The following ASNS variants were observed in gnomAD, a reference collection of about 807,000 sequenced individuals.
The protein encoded by ASNS is asparagine synthetase [glutamine-hydrolyzing].
ASNS carries 37 observed loss-of-function variants against 62.6 expected under a neutral mutation model. The observed-to-expected ratio is 0.59, with a 90% CI of 0.45 to 0.78. The LOEUF is 0.78. Ranked by LOEUF, ASNS falls within the 30% of genes least tolerant of loss-of-function variation. The pLI, the probability that ASNS is intolerant of heterozygous loss-of-function variation, is 0.00. For missense variants in ASNS, 520 were observed against 682.4 expected, an observed-to-expected ratio of 0.76 and a Z score of 2.65; for synonymous variants, 207 against 237.9, an observed-to-expected ratio of 0.87 and a Z score of 1.19.
At position 97,857,616 on chromosome 7, in the gene ASNS, T is replaced by A. The variant is rs796854041; in HGVS notation, c.903+662A>T. 8.7e-3 allele frequency among the ~76,000 whole-genome samples: 1,011 copies of A among 116,130 alleles called. 13 individuals are homozygous for A. The highest frequency in any genetic ancestry group is 0.032 in the African/African-American group (968 of 30,620). The allele number at this position is 116,130 out of a possible 152,430, so 76.2% of individuals were successfully genotyped here. On this transcript the variant is annotated intron_variant, in intron 7 of 12. Transcript: ENST00000394308. The stretch of plus-strand genomic sequence containing the variant: ...AGCCATGATACTATGCCTTTACGTT[T>A]AAAAAAAAAAAAAAAAAAAAACGAA...
Position 97,864,247 on chromosome 7 carries a change from A to T in ASNS, c.487+12T>A, listed in dbSNP as rs764325413. On this transcript the variant is annotated intron_variant, in intron 4 of 12. Coordinates refer to ENST00000394308, the MANE Select transcript of ASNS (RefSeq NM_001673.5). Reference sequence around the variant, plus strand: ...GACAATAATGAAAATCTATAGAAAAATTTATTATTACCTTTAGCTTCTGAA... The same window carrying T: ...GACAATAATGAAAATCTATAGAAAATTTTATTATTACCTTTAGCTTCTGAA... 38 of 1,592,598 alleles carry T rather than the reference A, an allele frequency of 2.4e-5. No individual in the cohort carries two copies. The highest frequency in any genetic ancestry group is 1.7e-4 in the Middle Eastern group (1 of 5,972).
rs948326794 is a variant in ASNS, at chr7:97,854,653, C to A, written c.1165G>T (p.Glu389Ter). The A allele has an allele frequency of 3.1e-6, 5 of 1,614,010 alleles. No individual in the cohort carries two copies. The African/African-American group carries it at 5.3e-5, about 17-fold the overall frequency. Residue 389 changes from glutamate to a stop codon, truncating the protein, a stop_gained, in exon 10 of 13, where the codon GAG becomes TAG. Transcript: ENST00000394308. LOFTEE classifies it high-confidence loss of function. ...KAPSPEKAEE[E>*]SERLLRELYL... is the part of the protein sequence containing the mutation. ...AGTTCCCTCAGAAGCCTCTCACTCT[C>A]CTCCTCGGCTTTTTCAGGAGAAGGA...
the ASNS span, among the ~76,000 whole-genome samples, chr7:97,896,739 C>CAAATATATATATATATATATATATAT: frequency 3.1e-5 from 1 of 31,984 alleles, no homozygotes; most frequent in Non-Finnish European, 8.0e-5. Context: ...CACACACACA[C>CAAATATATATATATATATATATATAT]ACATATATAT....
the ASNS span, among the ~76,000 whole-genome samples, chr7:97,903,321 T>A: frequency 2.0e-5 from 3 of 151,484 alleles, no homozygotes; most frequent in African/African-American, 7.3e-5. Flanking sequence ...CATTTTCAAG[T>A]GATTTTTTTC....
chr7:97,914,043 G>A, the ASNS span, among the ~76,000 whole-genome samples: 1 of 148,798 alleles, frequency 6.7e-6, no homozygotes, highest in Non-Finnish European at 1.5e-5. Flanking sequence ...TAGATGGGTT[G>A]GTGGGTGGGT....
the ASNS span, among the ~76,000 whole-genome samples, chr7:97,893,921 T>C: frequency 3.3e-5 from 5 of 152,280 alleles, no homozygotes; most frequent in Non-Finnish European, 7.3e-5. Context: ...CAGCAGAATA[T>C]ACAATCATCT....
chr7:97,911,330 A>G, the ASNS span, among the ~76,000 whole-genome samples: 2 of 152,204 alleles, frequency 1.3e-5, no homozygotes, highest in Non-Finnish European at 2.9e-5. Flanking sequence ...AAAAGTTTTC[A>G]TAACAATAAT....
the ASNS span, among the ~76,000 whole-genome samples, chr7:97,878,936 C>A: frequency 5.3e-5 from 8 of 152,096 alleles, no homozygotes; most frequent in Non-Finnish European, 7.4e-5. Context: ...AGTACTGGTA[C>A]CAAAACAGAG....
At chr7:97,921,464 AG>A in the ASNS span, among the ~76,000 whole-genome samples, 5 of 152,294 alleles carry the variant, frequency 3.3e-5, no homozygotes, top group African/African-American at 1.2e-4. Flanking sequence ...GTGAACAGGC[AG>A]GGGGCTGGTT....
chr7:97,889,927 C>CAAAAAAAAAAAAAAAAAAAAAAAAATA, the ASNS span, among the ~76,000 whole-genome samples: 1 of 38,558 alleles, frequency 2.6e-5, no homozygotes, highest in African/African-American at 1.1e-4. Flanking sequence ...ATAATGAATA[C>CAAAAAAAAAAAAAAAAAAAAAAAAATA]AAAAAAAAAA....
At chr7:97,857,511 C>T (rs1247978775) in intron 7 of ASNS, among the ~76,000 whole-genome samples, 2 of 150,912 alleles carry the variant, frequency 1.3e-5, no homozygotes, top group Non-Finnish European at 2.9e-5. Context: ...TTCCCCATAG[C>T]AGACACTATT....
chr7:97,911,927 A>G, the ASNS span, among the ~76,000 whole-genome samples: 2 of 152,168 alleles, frequency 1.3e-5, no homozygotes, highest in Non-Finnish European at 2.9e-5. Context: ...AGTGTCCAAG[A>G]ACTCACTGCC....
At chr7:97,889,329 C>T in the ASNS span, among the ~76,000 whole-genome samples, 5 of 152,220 alleles carry the variant, frequency 3.3e-5, no homozygotes, top group South Asian at 1.0e-3. Context: ...GCAGCCTGGC[C>T]AACATAGTGA....
At chr7:97,905,286 T>C in the ASNS span, among the ~76,000 whole-genome samples, 1 of 152,172 alleles carries the variant, frequency 6.6e-6, no homozygotes, top group Admixed American at 6.5e-5. Flanking sequence ...CTTCTTGTAA[T>C]GTGCTCCTAA....
At chr7:97,891,137 A>C in the ASNS span, among the ~76,000 whole-genome samples, 1 of 152,144 alleles carries the variant, frequency 6.6e-6, no homozygotes, top group African/African-American at 2.4e-5. Context: ...AAGCCTAAGA[A>C]TCACGTTGGA....
At chr7:97,897,817 A>G in the ASNS span, among the ~76,000 whole-genome samples, 3 of 152,258 alleles carry the variant, frequency 2.0e-5, no homozygotes, top group African/African-American at 7.2e-5. Flanking sequence ...TATTTACTGC[A>G]GCACTATTTA....
At chr7:97,891,237 C>T in the ASNS span, among the ~76,000 whole-genome samples, 1 of 150,852 alleles carries the variant, frequency 6.6e-6, no homozygotes, top group East Asian at 2.0e-4. Context: ...AAAACCATCA[C>T]ACCTTGTGAG....
chr7:97,882,375 C>T, the ASNS span, among the ~76,000 whole-genome samples: 57 of 151,922 alleles, frequency 3.8e-4, no homozygotes, highest in African/African-American at 1.1e-3. Context: ...GGTGAAACCC[C>T]GTGTCTACTA....
intron 8 of ASNS, among the ~76,000 whole-genome samples, chr7:97,855,679 T>C (rs1422433422): frequency 6.6e-6 from 1 of 152,224 alleles, no homozygotes; most frequent in Non-Finnish European, 1.5e-5. Context: ...AACCATTTTG[T>C]CATTTTCTAA....
Sources: gnomAD v4.1 joint callset for allele counts (sites outside exome capture counted in the v4.1 genomes callset) on GRCh38, gnomAD v4.1.1 for gene constraint, MANE v1.5 for transcripts, NCBI Gene and HGNC (gene_info 2026-07-23, HGNC 2026-07-21) for gene names.